The following IGSF11 variants were observed in gnomAD, a reference collection of about 807,000 sequenced individuals.
IGSF11 encodes immunoglobulin superfamily member 11.
Under a neutral mutation model 41.0 loss-of-function variants are expected in IGSF11, and 22 were observed. That is an observed-to-expected ratio of 0.54 (90% CI 0.38 to 0.77). The LOEUF is 0.77. IGSF11 is among the 30% of genes least tolerant of loss of function. The pLI is 0.00. For missense variants in IGSF11, 444 were observed against 530.8 expected (o/e 0.84, Z 1.61); for synonymous variants, 219 against 201.3 (o/e 1.09, Z -0.74).
intron 1 of IGSF11, among the ~76,000 whole-genome samples, chr3:119,100,993 A>G (rs1432975649): frequency 6.6e-6 from 1 of 152,214 alleles, no homozygotes; most frequent in Non-Finnish European, 1.5e-5. Flanking sequence ...CCATCTATCC[A>G]GTTACCCAAA....
At chr3:119,004,818 G>T (rs1937315439) in intron 1 of IGSF11, among the ~76,000 whole-genome samples, 1 of 151,886 alleles carries the variant, frequency 6.6e-6, no homozygotes, top group Non-Finnish European at 1.5e-5. Flanking sequence ...TTGCACTGTG[G>T]TCTGAGAGAT....
At chr3:119,126,763 CA>C (rs2077409589) in intron 1 of IGSF11, among the ~76,000 whole-genome samples, 1 of 152,096 alleles carries the variant, frequency 6.6e-6, no homozygotes, top group African/African-American at 2.4e-5. Context: ...CAGCAAACTG[CA>C]GCAGCCCTAA....
chr3:119,129,168 G>T (rs970869586), intron 1 of IGSF11, among the ~76,000 whole-genome samples: 3 of 152,094 alleles, frequency 2.0e-5, no homozygotes, highest in Non-Finnish European at 4.4e-5. Context: ...GTGGGGTGGG[G>T]GTGAGGGGAG....
At chr3:118,993,427 T>G (rs1935973103) in intron 1 of IGSF11, among the ~76,000 whole-genome samples, 1 of 152,094 alleles carries the variant, frequency 6.6e-6, no homozygotes, top group Non-Finnish European at 1.5e-5. Context: ...TGTAAAAGAG[T>G]GCAGTCACTT....
intron 1 of IGSF11, among the ~76,000 whole-genome samples, chr3:119,145,359 G>A (rs2077706520): frequency 6.6e-6 from 1 of 152,194 alleles, no homozygotes; most frequent in Non-Finnish European, 1.5e-5. Flanking sequence ...TACTGACTCT[G>A]AGGTGCATTC....
At chr3:118,969,204 AT>A (rs1297374303) in intron 1 of IGSF11, among the ~76,000 whole-genome samples, 7 of 152,190 alleles carry the variant, frequency 4.6e-5, no homozygotes, top group African/African-American at 1.4e-4. Context: ...TTAAAAAAAA[AT>A]AATAATAATC....
Position 118,922,800 on chromosome 3 carries a change from T to C in IGSF11, c.580+3301A>G, listed in dbSNP as rs577720179. Reference sequence around the variant, plus strand: ...ATTCAGTGTCTGGTAAGAGCCCATTTCCTGGTTTCCAGATGATGATGTCTT... The same window carrying C: ...ATTCAGTGTCTGGTAAGAGCCCATTCCCTGGTTTCCAGATGATGATGTCTT... On this transcript the variant is annotated intron_variant, in intron 4 of 6. Coordinates refer to ENST00000393775, the MANE Select transcript of IGSF11 (RefSeq NM_001015887.3). Among the ~76,000 whole-genome samples the C allele has an allele frequency of 3.9e-5, 6 of 152,294 alleles. No homozygotes were observed. In the East Asian group the frequency reaches 1.2e-3, roughly 29 times the overall value.
At chr3:118,905,334 T>C (rs144150610) in intron 5 of IGSF11, among the ~76,000 whole-genome samples, 5 of 152,330 alleles carry the variant, frequency 3.3e-5, no homozygotes, top group African/African-American at 1.2e-4. Flanking sequence ...ATAATGTCTA[T>C]AGCATTATAC....
At chr3:118,951,878 T>A (rs1002372883) in intron 1 of IGSF11, among the ~76,000 whole-genome samples, 2 of 152,160 alleles carry the variant, frequency 1.3e-5, no homozygotes, top group Admixed American at 1.3e-4. Flanking sequence ...TTTTTAAAAT[T>A]TTTTCCCAAA....
intron 1 of IGSF11, among the ~76,000 whole-genome samples, chr3:119,004,673 C>T (rs1376295767): frequency 1.3e-4 from 19 of 148,116 alleles, no homozygotes; most frequent in Non-Finnish European, 2.1e-4. Context: ...TCTTTGTTCT[C>T]GTTGGTTTCA....
chr3:119,114,274 A>G (rs965007716), intron 1 of IGSF11, among the ~76,000 whole-genome samples: 19 of 152,212 alleles, frequency 1.2e-4, no homozygotes, highest in African/African-American at 3.6e-4. Flanking sequence ...TTTTTGCCAC[A>G]TGGCCAAGCT....
chr3:119,045,889 C>T (rs1263354976), intron 1 of IGSF11, among the ~76,000 whole-genome samples: 1 of 152,056 alleles, frequency 6.6e-6, no homozygotes, highest in East Asian at 1.9e-4. Context: ...GGCACAGTGA[C>T]ACCTCACACT....
chr3:118,925,259 A>G (rs914948270), intron 4 of IGSF11, among the ~76,000 whole-genome samples: 7 of 152,116 alleles, frequency 4.6e-5, no homozygotes, highest in Admixed American at 4.6e-4. Context: ...TTCCTTTTCC[A>G]TGACAGGTGT....
chr3:118,935,739 C>T (rs1045402971), intron 1 of IGSF11, among the ~76,000 whole-genome samples: 13 of 151,952 alleles, frequency 8.6e-5, no homozygotes, highest in Non-Finnish European at 1.9e-4. Flanking sequence ...GATGGGACCT[C>T]AGTAGAGGAA....
chr3:119,091,589 AAATT>A (rs2076761000), intron 1 of IGSF11, among the ~76,000 whole-genome samples: 1 of 147,048 alleles, frequency 6.8e-6, no homozygotes, highest in Admixed American at 6.8e-5. Flanking sequence ...TATCCTAAGC[AAATT>A]AATGGAGGAA....
rs79147837 is a variant in IGSF11 at position 119,120,121 on chromosome 3, G to A, written c.-13-14916C>T. On this transcript the variant is annotated intron_variant, in intron 1 of 7. Transcript: ENST00000425327. ...ATAAAGCAGTCTTAAAGTGCCTGAC[G>A]GCTGGAGGCATGATATCTCACACAG... Among the ~76,000 whole-genome samples the A allele has an allele frequency of 9.8e-3, 1,494 of 152,252 alleles. 19 individuals are homozygous for A. Among genetic ancestry groups the A allele is most frequent in the African/African-American group, 0.034 (1,392 of 41,538 alleles).
At chr3:119,007,163 G>A (rs1176485315) in intron 1 of IGSF11, among the ~76,000 whole-genome samples, 1 of 143,336 alleles carries the variant, frequency 7.0e-6, no homozygotes, top group Non-Finnish European at 1.5e-5. Context: ...ATATAGTCTC[G>A]TGGTGCGCCG....
chr3:118,947,637 T>A (rs912962803), intron 1 of IGSF11: 1 of 152,350 alleles, frequency 6.6e-6, no homozygotes, highest in South Asian at 2.1e-4. Flanking sequence ...TCAAGCATAC[T>A]TCTCAATGAT....
chr3:119,065,853 G>C (rs1036927482), intron 1 of IGSF11, among the ~76,000 whole-genome samples: 1 of 127,752 alleles, frequency 7.8e-6, no homozygotes, highest in African/African-American at 3.0e-5. Flanking sequence ...TTTTATAAAA[G>C]AATTGTGAAA....
Sources: allele counts gnomAD v4.1 joint callset (sites outside exome capture counted in the v4.1 genomes callset), GRCh38; gene constraint gnomAD v4.1.1; transcripts MANE v1.5; gene names NCBI Gene and HGNC (gene_info 2026-07-23, HGNC 2026-07-21).